The following MERTK variants were observed in gnomAD, a reference collection of about 807,000 sequenced individuals.
MERTK encodes the protein MER proto-oncogene, tyrosine kinase, also known as tyrosine-protein kinase Mer.
A neutral mutation model predicts 99.3 loss-of-function variants in MERTK; 69 were observed. The ratio of observed to expected loss-of-function variants is 0.70; its 90% CI spans 0.57 to 0.85. The LOEUF (loss-of-function observed/expected upper bound fraction) is 0.85, where lower values mean the gene tolerates loss of function less well. Ranked by LOEUF, MERTK falls within the 40% of genes least tolerant of loss-of-function variation. The probability of loss-of-function intolerance (pLI) is 0.00; values close to 1 mark genes in which losing one functional copy is unlikely to be tolerated. For synonymous variants in MERTK, 426 were observed against 467.6 expected (o/e 0.91, Z 1.15); for missense variants, 1,125 against 1,249.4 (o/e 0.90, Z 1.50).
chr2:111,922,175 A>G (rs1996329), intron 1 of MERTK, among the ~76,000 whole-genome samples: 79,594 of 152,050 alleles, frequency 0.52, 21,002 homozygotes, highest in Middle Eastern at 0.56. Flanking sequence ...GCCCTGCTCA[A>G]CCCTCTTCCC....
chr2:111,966,495 TA>T (rs1685360761), intron 5 of MERTK, among the ~76,000 whole-genome samples: 1 of 152,200 alleles, frequency 6.6e-6, no homozygotes, highest in African/African-American at 2.4e-5. Flanking sequence ...TGTGAGTTTG[TA>T]AAGACATTTT....
intron 14 of MERTK, chr2:112,008,726 AGT>A: frequency 1.8e-6 from 1 of 571,386 alleles, no homozygotes; most frequent in South Asian, 1.9e-5. Flanking sequence ...ATTCTAGGAG[AGT>A]GTGAATTAAA....
chr2:112,020,785 G>C lies in MERTK; in HGVS notation c.2190-637G>C, dbSNP rs1417506633. ...CACCAGAGGGCTCTGGTTTTGAGCT[G>C]CTGCTCTTTCTGCTCCTGCTATGCT... is the stretch of plus-strand genomic sequence containing the variant. On this transcript the variant is annotated intron_variant, in intron 16 of 18. Coordinates refer to ENST00000295408, the MANE Select transcript of MERTK (RefSeq NM_006343.3). The C allele has an allele frequency of 7.9e-5, 33 of 419,824 alleles. No homozygotes were observed. The Admixed American group carries it at 9.7e-4, about 12-fold the overall frequency. The allele number at this position is 419,824 out of a possible 1,614,324, so 26.0% of individuals were successfully genotyped here.
At chr2:111,930,303 C>T (rs1420390118) in intron 2 of MERTK, 5 of 152,712 alleles carry the variant, frequency 3.3e-5, no homozygotes, top group Admixed American at 6.5e-5. Flanking sequence ...GGATTCCCCC[C>T]ACTACCACCA....
At chr2:111,963,458 T>C (rs910047621) in intron 4 of MERTK, among the ~76,000 whole-genome samples, 2 of 152,148 alleles carry the variant, frequency 1.3e-5, no homozygotes, top group African/African-American at 4.8e-5. Context: ...GACTATCACA[T>C]GGGGAGAAAC....
intron 7 of MERTK, among the ~76,000 whole-genome samples, chr2:111,975,686 A>G (rs1676232703): frequency 6.6e-6 from 1 of 152,160 alleles, no homozygotes; most frequent in Non-Finnish European, 1.5e-5. Context: ...ATGTATAGGT[A>G]ATCTTTTCTT....
chr2:111,911,689 C>CTTT lies in MERTK; in HGVS notation c.61+12918_61+12920dup, dbSNP rs34867670. On this transcript the variant is annotated intron_variant, in intron 1 of 18. Coordinates refer to ENST00000295408, the MANE Select transcript of MERTK (RefSeq NM_006343.3). ...ACAGGCATGAGCCATAGCGCCCAGC[C>CTTT]TTTTTTTTTTTTTTTTTTTTTTTTT... 5.2e-4 allele frequency among the ~76,000 whole-genome samples: 30 copies of CTTT among 57,734 alleles called. 4 individuals are homozygous for CTTT. The highest frequency in any genetic ancestry group is 2.3e-3 in the African/African-American group (29 of 12,646). The allele number at this position is 57,734 out of a possible 152,430, so 37.9% of individuals were successfully genotyped here.
intron 1 of MERTK, among the ~76,000 whole-genome samples, chr2:111,927,504 T>C (rs1036840452): frequency 6.6e-6 from 1 of 152,054 alleles, no homozygotes; most frequent in Admixed American, 6.6e-5. Context: ...ACTCCCTCCC[T>C]ACAAGAAAAA....
At chr2:111,947,170 G>A (rs933310660) in intron 3 of MERTK, among the ~76,000 whole-genome samples, 2 of 152,088 alleles carry the variant, frequency 1.3e-5, no homozygotes, top group African/African-American at 4.8e-5. Context: ...CTACTTAGGA[G>A]GCTGAGGCAG....
At chr2:112,023,767 G>A (rs1321512604) in intron 18 of MERTK, among the ~76,000 whole-genome samples, 2 of 152,158 alleles carry the variant, frequency 1.3e-5, no homozygotes, top group Non-Finnish European at 2.9e-5. Flanking sequence ...CATGGGCTTG[G>A]AGAGGGGCAT....
intron 6 of MERTK, among the ~76,000 whole-genome samples, chr2:111,971,801 A>C (rs1203774695): frequency 6.6e-6 from 1 of 152,176 alleles, no homozygotes; most frequent in East Asian, 1.9e-4. Context: ...TGTTTTGTGC[A>C]TGTGGTTTAG....
intron 14 of MERTK, among the ~76,000 whole-genome samples, chr2:112,009,097 T>A (rs1677043522): frequency 1.3e-5 from 2 of 152,230 alleles, no homozygotes; most frequent in Admixed American, 1.3e-4. Context: ...TAATTGAATT[T>A]TCTGCTGACC....
chr2:112,005,567 A>T (rs759037755), intron 13 of MERTK, among the ~76,000 whole-genome samples: 2 of 152,176 alleles, frequency 1.3e-5, no homozygotes, highest in South Asian at 2.1e-4. Context: ...ACACAGCTGT[A>T]TAAGTTTGAT....
At chr2:112,007,211 GTA>G (rs1677000225) in intron 13 of MERTK, among the ~76,000 whole-genome samples, 1 of 152,150 alleles carries the variant, frequency 6.6e-6, no homozygotes, top group African/African-American at 2.4e-5. Flanking sequence ...CTGGAGTGCG[GTA>G]GCACGATCTC....
chr2:112,021,584 A>G lies in MERTK; in HGVS notation c.2349+3A>G. ...TCTACACAAGTAAAAGTGATGTGGT[A>G]TGTACACAGCTTTGATTCAGGGGTC... On this transcript the variant is annotated splice_donor_region_variant and intron_variant, in intron 17 of 18. Coordinates refer to ENST00000295408, the MANE Select transcript of MERTK (RefSeq NM_006343.3). 6.2e-7 allele frequency: 1 copy of G among 1,611,154 alleles called. No individual in the cohort carries two copies. Among genetic ancestry groups the G allele is most frequent in the East Asian group, 2.2e-5 (1 of 44,864 alleles).
chr2:111,979,046 T>C (rs1386978517), intron 7 of MERTK, among the ~76,000 whole-genome samples: 1 of 152,212 alleles, frequency 6.6e-6, no homozygotes, highest in East Asian at 1.9e-4. Context: ...GTGTGAAGCC[T>C]GGATACCATT....
chr2:111,927,662 GC>G (rs1246747090), intron 1 of MERTK, among the ~76,000 whole-genome samples: 1 of 152,112 alleles, frequency 6.6e-6, no homozygotes, highest in Non-Finnish European at 1.5e-5. Context: ...GAGCAAGAAG[GC>G]CCTGTTTGTT....
At position 111,943,880 on chromosome 2, in the gene MERTK, C is replaced by G. The variant is rs1035622664; in HGVS notation, c.483-1080C>G. On this transcript the variant is annotated intron_variant, in intron 2 of 18. Transcript: ENST00000295408. ...GGATATGGAACAGTTGCCCTTGGCCCCTAAAAACCCATGGAGCCCCCCTAG... is the reference window on the plus strand; with the variant it reads ...GGATATGGAACAGTTGCCCTTGGCCGCTAAAAACCCATGGAGCCCCCCTAG... Among the ~76,000 whole-genome samples, 5 of 152,098 alleles carry G rather than the reference C, an allele frequency of 3.3e-5. 1 individual carries two copies. Among genetic ancestry groups the G allele is most frequent in the African/African-American group, 1.2e-4 (5 of 41,396 alleles).
At chr2:111,904,332 G>A (rs1684097684) in intron 1 of MERTK, among the ~76,000 whole-genome samples, 1 of 151,060 alleles carries the variant, frequency 6.6e-6, no homozygotes, top group Non-Finnish European at 1.5e-5. Context: ...TTTATTTTTT[G>A]TGTTTGTTTT....
Sources: allele counts gnomAD v4.1 joint callset (sites outside exome capture counted in the v4.1 genomes callset), GRCh38; gene constraint gnomAD v4.1.1; transcripts MANE v1.5; gene names NCBI Gene and HGNC (gene_info 2026-07-23, HGNC 2026-07-21).